Variants in IL21R observed in about 807,000 individuals in gnomAD.
IL21R encodes the protein interleukin 21 receptor.
Under a neutral mutation model 41.3 loss-of-function variants are expected in IL21R, and 14 were observed. The observed-to-expected ratio is 0.34, with a 90% CI of 0.22 to 0.53. The LOEUF (loss-of-function observed/expected upper bound fraction) is 0.53, where lower values mean the gene tolerates loss of function less well. Among genes scored for constraint, IL21R ranks in the 20% least tolerant of loss-of-function variants. IL21R has a pLI of 0.94. For synonymous variants in IL21R, 286 were observed against 287.6 expected (o/e 0.99, Z 0.05); for missense variants, 588 against 681.6 (o/e 0.86, Z 1.53).
intron 1 of IL21R, among the ~76,000 whole-genome samples, chr16:27,425,915 A>C (rs1406386317): frequency 6.6e-6 from 1 of 152,220 alleles, no homozygotes; most frequent in African/African-American, 2.4e-5. Flanking sequence ...ACTCTCAGGC[A>C]GGCAGTAGCA....
intron 4 of IL21R, among the ~76,000 whole-genome samples, chr16:27,438,929 GGTGT>G (rs60330499): frequency 0.023 from 3,410 of 149,066 alleles, 62 homozygotes; most frequent in Middle Eastern, 0.083. Flanking sequence ...GCTTTGGCAT[GGTGT>G]GTGTGTGTGT....
intron 3 of IL21R, among the ~76,000 whole-genome samples, 195 bp downstream of exon 3, chr16:27,434,644 C>G (rs3093327): frequency 2.7e-4 from 41 of 152,208 alleles, no homozygotes; most frequent in African/African-American, 9.9e-4. Context: ...CTCTCTCACC[C>G]ACACAGGTCG....
chr16:27,437,953 G>A (rs562836000), intron 4 of IL21R, among the ~76,000 whole-genome samples: 4 of 152,176 alleles, frequency 2.6e-5, no homozygotes, highest in Non-Finnish European at 5.9e-5. Flanking sequence ...TAGGGGCTGG[G>A]TCCCCTACTC....
rs2087296029 is a variant in IL21R, at chr16:27,437,606, G to A, written c.271G>A (p.Asp91Asn). 4 of 1,614,168 alleles carry A rather than the reference G, an allele frequency of 2.5e-6. No individual in the cohort carries two copies. The highest frequency in any genetic ancestry group is 2.5e-6 in the Non-Finnish European group (3 of 1,180,010). ...CATGGATGTATTCCACTTCATGGCCGACGACATTTTCAGTGTCAACATCAC... is the reference window on the plus strand; with the variant it reads ...CATGGATGTATTCCACTTCATGGCCAACGACATTTTCAGTGTCAACATCAC... ...CHMDVFHFMADDIFSVNITDQ... is the reference protein window; with the variant it reads ...CHMDVFHFMANDIFSVNITDQ... Residue 91 changes from aspartate (D) to asparagine (N), a missense_variant, in exon 4 of 9, where the codon GAC becomes AAC. Physicochemically the swap from Asp to Asn is conservative, Grantham distance 23 (BLOSUM62 1). Transcript: ENST00000337929.
Position 27,448,517 on chromosome 16 carries a change from C to T in IL21R, c.868-17C>T, listed in dbSNP as rs2087525340. The T allele has an allele frequency of 6.3e-7, 1 of 1,578,858 alleles. No individual in the cohort carries two copies. ...CCCTCATCCTGTGCTATGACTCTCT[C>T]TTTTTCTCTCTCACAGAAATGGGTG... On this transcript the variant is annotated splice_polypyrimidine_tract_variant and intron_variant, in intron 8 of 8. Coordinates refer to ENST00000337929, the MANE Select transcript of IL21R (RefSeq NM_181078.3).
intron 4 of IL21R, among the ~76,000 whole-genome samples, chr16:27,440,291 C>T (rs928005837): frequency 2.3e-5 from 3 of 131,700 alleles, no homozygotes; most frequent in African/African-American, 3.2e-5. Flanking sequence ...CGAGCAAGCG[C>T]GCGCCAGGGT....
At chr16:27,435,464 A>T (rs1265809918) in intron 3 of IL21R, among the ~76,000 whole-genome samples, 1 of 151,006 alleles carries the variant, frequency 6.6e-6, no homozygotes, top group Non-Finnish European at 1.5e-5. Context: ...ATTTTATTTT[A>T]TTTTTTTGAG....
chr16:27,449,458 A>ATGTGTG lies in IL21R; in HGVS notation c.*189_*194dup, dbSNP rs35044665. On this transcript the variant is annotated 3_prime_UTR_variant, in exon 9 of 9. Transcript: ENST00000337929. ...TGCATATGTGTGTGTGTGCATATGC[A>ATGTGTG]TGTGTGTGTGTGTGTGTGTCTTAGG... 52 of 600,560 alleles carry ATGTGTG rather than the reference A, an allele frequency of 8.7e-5. No homozygotes were observed. The highest frequency in any genetic ancestry group is 6.4e-4 in the African/African-American group (34 of 53,336). The allele number at this position is 600,560 out of a possible 1,614,324, so 37.2% of individuals were successfully genotyped here.
At chr16:27,408,390 C>T (rs2086779616) in intron 1 of IL21R, among the ~76,000 whole-genome samples, 1 of 152,194 alleles carries the variant, frequency 6.6e-6, no homozygotes, top group South Asian at 2.1e-4. Context: ...GCCTGAAGTC[C>T]AGTATGAATA....
At chr16:27,414,257 G>T (rs2141264091) in intron 1 of IL21R, among the ~76,000 whole-genome samples, 1 of 150,838 alleles carries the variant, frequency 6.6e-6, no homozygotes, top group East Asian at 2.0e-4. Context: ...AATCATGAAT[G>T]GGTGTTGCAA....
Position 27,443,511 on chromosome 16 carries a change from C to T in IL21R, c.507+395C>T, listed in dbSNP as rs148833423. 1.9e-4 allele frequency among the ~76,000 whole-genome samples: 29 copies of T among 152,222 alleles called. No homozygotes were observed. The East Asian group carries it at 5.4e-3, about 28-fold the overall frequency. ...ATTATTAAGAAGGTCCAGCCAGGTG[C>T]GGTGGCTCATGCCTGTAATCCCAGC... On this transcript the variant is annotated intron_variant, in intron 5 of 8. Transcript: ENST00000337929.
At chr16:27,430,301 T>G (rs115689344) in intron 2 of IL21R, among the ~76,000 whole-genome samples, 181 bp downstream of exon 2, 228 of 152,242 alleles carry the variant, frequency 1.5e-3, no homozygotes, top group African/African-American at 5.1e-3. Context: ...TCAGAATCCA[T>G]CCACCAAAGG....
intron 1 of IL21R, among the ~76,000 whole-genome samples, chr16:27,419,088 G>A (rs139124718): frequency 0.013 from 2,035 of 152,074 alleles, 79 homozygotes; most frequent in Non-Finnish European, 0.01. Flanking sequence ...GGTGGCGGGC[G>A]CCTGTAATCC....
Position 27,426,352 on chromosome 16 carries a change from AAGGTAAAGATCAAT to A in IL21R, c.-16-3701_-16-3688del, listed in dbSNP as rs1398298329. Among the ~76,000 whole-genome samples the A allele has an allele frequency of 5.9e-5, 9 of 152,374 alleles. No homozygotes were observed. The South Asian group carries it at 1.9e-3, about 32-fold the overall frequency. ...TTTATTGGAGTAAAAAATAGGAGGC[AAGGTAAAGATCAAT>A]AGTAAGTGGATAATTAATAGTAGCA... On this transcript the variant is annotated intron_variant, in intron 1 of 8. Transcript: ENST00000337929.
intron 1 of IL21R, among the ~76,000 whole-genome samples, chr16:27,417,163 C>CTTTTTTT (rs577149386): frequency 2.1e-4 from 26 of 126,594 alleles, no homozygotes; most frequent in South Asian, 5.0e-4. Flanking sequence ...TTTTTCTTTT[C>CTTTTTTT]TTTTTTTTTT....
intron 1 of IL21R, among the ~76,000 whole-genome samples, chr16:27,424,761 T>G (rs544111861): frequency 6.6e-6 from 1 of 152,296 alleles, no homozygotes; most frequent in South Asian, 2.1e-4. Flanking sequence ...CAGGCCATTC[T>G]TGCATTGCCA....
At chr16:27,416,626 CA>C (rs1364870461) in intron 1 of IL21R, among the ~76,000 whole-genome samples, 1 of 152,152 alleles carries the variant, frequency 6.6e-6, no homozygotes, top group Admixed American at 6.5e-5. Flanking sequence ...CCTTCATTTT[CA>C]AAAATCTGTA....
intron 1 of IL21R, among the ~76,000 whole-genome samples, chr16:27,412,036 CAT>C (rs1477736922): frequency 4.6e-5 from 7 of 152,176 alleles, no homozygotes; most frequent in Admixed American, 4.6e-4. Flanking sequence ...AAGATTTTCC[CAT>C]ATGTTTTCTT....
intron 6 of IL21R, 113 bp downstream of exon 6, chr16:27,444,832 C>A: frequency 1.0e-6 from 1 of 985,876 alleles, no homozygotes; most frequent in Non-Finnish European, 1.4e-6. Flanking sequence ...AGTTGTTCAT[C>A]CTCAGATGTA....
Sources: gnomAD v4.1 joint callset for allele counts (sites outside exome capture counted in the v4.1 genomes callset) on GRCh38, gnomAD v4.1.1 for gene constraint, MANE v1.5 for transcripts, NCBI Gene and HGNC (gene_info 2026-07-23, HGNC 2026-07-21) for gene names.